NFIL3: variants seen among roughly 807,000 people sequenced by gnomAD.
NFIL3 encodes the protein nuclear factor, interleukin 3 regulated, also known as nuclear factor interleukin-3-regulated protein.
A neutral mutation model predicts 10.0 loss-of-function variants in NFIL3; 5 were observed. The observed-to-expected ratio is 0.50, with a 90% CI of 0.26 to 1.06. The LOEUF is 1.06. Ranked by LOEUF, NFIL3 falls within the 50% of genes least tolerant of loss-of-function variation. NFIL3 has a pLI of 0.13. For missense variants in NFIL3, 436 were observed against 547.6 expected (o/e 0.80, Z 2.03); for synonymous variants, 202 against 206.5 (o/e 0.98, Z 0.19).
the NFIL3 span, among the ~76,000 whole-genome samples, chr9:91,435,498 C>G: frequency 6.6e-6 from 1 of 152,170 alleles, no homozygotes; most frequent in African/African-American, 2.4e-5. Flanking sequence ...TGAAATGGAA[C>G]TTGAGTGCCA....
the NFIL3 span, among the ~76,000 whole-genome samples, chr9:91,451,740 A>G: frequency 1.3e-5 from 2 of 152,218 alleles, no homozygotes; most frequent in Non-Finnish European, 2.9e-5. Flanking sequence ...ACCACTGTAC[A>G]CATGGGCATT....
At chr9:91,429,657 C>T in the NFIL3 span, among the ~76,000 whole-genome samples, 1 of 152,062 alleles carries the variant, frequency 6.6e-6, no homozygotes, top group Non-Finnish European at 1.5e-5. Context: ...CATTTCTGGT[C>T]TTCTGAGAAA....
At chr9:91,466,708 A>T in the NFIL3 span, among the ~76,000 whole-genome samples, 15,177 of 152,214 alleles carry the variant, frequency 0.1, 855 homozygotes, top group East Asian at 0.27. Context: ...GTTCTATCAC[A>T]TTAGGCAGAA....
chr9:91,462,030 T>G, the NFIL3 span, among the ~76,000 whole-genome samples: 1 of 152,138 alleles, frequency 6.6e-6, no homozygotes, highest in African/African-American at 2.4e-5. Flanking sequence ...AATGGGTACT[T>G]AAAACCTACT....
chr9:91,409,411 C>A lies in NFIL3; in HGVS notation c.1324G>T (p.Ala442Ser). The A allele has an allele frequency of 6.2e-7, 1 of 1,612,792 alleles. No individual in the cohort carries two copies. The highest frequency in any genetic ancestry group is 8.5e-7 in the Non-Finnish European group (1 of 1,179,402). The part of the protein sequence containing the change: ...YLKQGIANLS[A>S]EVVSLKRLIA... Reference sequence around the variant, plus strand: ...AGTCTCTTGAGTGAGACAACCTCTGCAGATAAGTTTGCTATCCCCTGCTTC... The same window carrying A: ...AGTCTCTTGAGTGAGACAACCTCTGAAGATAAGTTTGCTATCCCCTGCTTC... Residue 442 changes from alanine to serine, a missense_variant, in exon 2 of 2, where the codon GCA becomes TCA. Coordinates refer to ENST00000297689, the MANE Select transcript of NFIL3 (RefSeq NM_005384.3).
the NFIL3 span, among the ~76,000 whole-genome samples, chr9:91,461,706 C>T: frequency 4.6e-5 from 7 of 152,194 alleles, no homozygotes; most frequent in African/African-American, 1.7e-4. Flanking sequence ...CTGCTCCTGT[C>T]TCAAATCAGC....
At chr9:91,450,458 A>G in the NFIL3 span, among the ~76,000 whole-genome samples, 5 of 152,104 alleles carry the variant, frequency 3.3e-5, no homozygotes, top group South Asian at 4.2e-4. Context: ...TTTCTTTTTG[A>G]CCCATTGGTT....
At chr9:91,472,039 T>G in the NFIL3 span, among the ~76,000 whole-genome samples, 3 of 152,248 alleles carry the variant, frequency 2.0e-5, no homozygotes, top group East Asian at 5.8e-4. Flanking sequence ...GCCCCCACTC[T>G]CTTCTGACTT....
chr9:91,434,738 T>C, the NFIL3 span, among the ~76,000 whole-genome samples: 2 of 152,122 alleles, frequency 1.3e-5, no homozygotes, highest in Non-Finnish European at 1.5e-5. Flanking sequence ...AGGAAAATAG[T>C]AAAAGGATAC....
chr9:91,460,268 G>GTTTTTTTTTTTTTTTTTT, the NFIL3 span, among the ~76,000 whole-genome samples: 37 of 77,070 alleles, frequency 4.8e-4, no homozygotes, highest in African/African-American at 8.1e-4. Flanking sequence ...GGAGGGCTTG[G>GTTTTTTTTTTTTTTTTTT]TTCTTTTTTT....
chr9:91,446,812 C>CTCTATT, the NFIL3 span, among the ~76,000 whole-genome samples: 1 of 150,948 alleles, frequency 6.6e-6, no homozygotes, highest in African/African-American at 2.4e-5. Context: ...CTCTCTCTCT[C>CTCTATT]TCTTTCTTTC....
At chr9:91,428,208 C>A (rs144142432), upstream of NFIL3, among the ~76,000 whole-genome samples, 2 of 151,954 alleles carry the variant, frequency 1.3e-5, no homozygotes, top group South Asian at 2.1e-4. Flanking sequence ...GTTTTTCTAC[C>A]TTTGTTGACC....
the NFIL3 span, among the ~76,000 whole-genome samples, chr9:91,475,175 G>C: frequency 0.45 from 68,588 of 152,038 alleles, 19,334 homozygotes; most frequent in African/African-American, 0.79. Flanking sequence ...TCATTACTTT[G>C]TTCCAACCAT....
chr9:91,465,823 A>C, the NFIL3 span, among the ~76,000 whole-genome samples: 1 of 152,112 alleles, frequency 6.6e-6, no homozygotes, highest in African/African-American at 2.4e-5. Context: ...AGAGGATTAA[A>C]ATTCTTCTAA....
At chr9:91,425,174 G>A (rs1055254404), upstream of NFIL3, among the ~76,000 whole-genome samples, 2 of 152,162 alleles carry the variant, frequency 1.3e-5, no homozygotes, top group Non-Finnish European at 2.9e-5. Context: ...GTGCCTCCAC[G>A]ACTTTCCACT....
At chr9:91,413,248 T>A (rs1336184306) in intron 1 of NFIL3, among the ~76,000 whole-genome samples, 1 of 149,782 alleles carries the variant, frequency 6.7e-6, no homozygotes, top group Non-Finnish European at 1.5e-5. Context: ...TTAAACAATA[T>A]TATTTCCTTT....
At chr9:91,481,638 G>C in the NFIL3 span, among the ~76,000 whole-genome samples, 164 of 144,310 alleles carry the variant, frequency 1.1e-3, no homozygotes, top group African/African-American at 3.6e-3. Context: ...CTTTGCTTTT[G>C]ATTTTGCGGT....
At chr9:91,425,405 C>T (rs533418089), upstream of NFIL3, among the ~76,000 whole-genome samples, 1 of 152,260 alleles carries the variant, frequency 6.6e-6, no homozygotes, top group East Asian at 1.9e-4. Context: ...TTTGGAAAGC[C>T]TTCCAGGGCA....
rs144270881 is a variant in NFIL3, at chr9:91,420,352, T to TACACACACAC, written c.-173+3278_-173+3287dup. ...TTACAAAGAGAAAAATGAAGGTAAATACACACACACACACACACACACACA... is the reference window on the plus strand; with the variant it reads ...TTACAAAGAGAAAAATGAAGGTAAATACACACACACACACACACACACACACACACACACA... On this transcript the variant is annotated intron_variant, in intron 1 of 1. Transcript: ENST00000297689. Among the ~76,000 whole-genome samples the TACACACACAC allele has an allele frequency of 6.1e-4, 88 of 144,498 alleles. No individual in the cohort carries two copies. In the East Asian group the frequency reaches 6.1e-3, roughly 10 times the overall value. 94.8% of individuals were successfully genotyped at this position (144,498 alleles called of 152,430 possible).
Sources: gnomAD v4.1 joint callset for allele counts (sites outside exome capture counted in the v4.1 genomes callset) on GRCh38, gnomAD v4.1.1 for gene constraint, MANE v1.5 for transcripts, NCBI Gene and HGNC (gene_info 2026-07-23, HGNC 2026-07-21) for gene names.